The following EEIG2 variants were observed in gnomAD, a reference collection of about 807,000 sequenced individuals.
EEIG2 encodes the protein family with sequence similarity 102 member B.
At chr1:108,599,355 A>G in the EEIG2 span, among the ~76,000 whole-genome samples, 1 of 152,084 alleles carries the variant, frequency 6.6e-6, no homozygotes, top group Non-Finnish European at 1.5e-5. Context: ...TTACTCCCCT[A>G]AGAAAATCAA....
At chr1:108,630,610 C>G in the EEIG2 span, among the ~76,000 whole-genome samples, 1 of 152,092 alleles carries the variant, frequency 6.6e-6, no homozygotes, top group Non-Finnish European at 1.5e-5. Flanking sequence ...AACCAAATAC[C>G]ATTTTGCTAG....
At chr1:108,617,184 G>C in the EEIG2 span, among the ~76,000 whole-genome samples, 4 of 152,180 alleles carry the variant, frequency 2.6e-5, no homozygotes, top group African/African-American at 9.7e-5. Flanking sequence ...CAGATGATAA[G>C]GAGTCTTGTG....
the EEIG2 span, among the ~76,000 whole-genome samples, chr1:108,587,162 GT>G: frequency 1.3e-4 from 20 of 152,058 alleles, no homozygotes; most frequent in Non-Finnish European, 2.9e-4. Flanking sequence ...CAACTTCTGG[GT>G]TTTGTGAAGT....
chr1:108,566,925 T>C, the EEIG2 span, among the ~76,000 whole-genome samples: 5 of 152,180 alleles, frequency 3.3e-5, no homozygotes, highest in Non-Finnish European at 4.4e-5. Flanking sequence ...TTCAGATCTG[T>C]TGTACAGAAT....
the EEIG2 span, among the ~76,000 whole-genome samples, chr1:108,571,464 GGAGA>G: frequency 6.6e-6 from 1 of 152,114 alleles, no homozygotes; most frequent in Non-Finnish European, 1.5e-5. Flanking sequence ...GAATGAGTTG[GGAGA>G]GAGAGGAGCA....
At chr1:108,560,472 T>C in the EEIG2 span, 1 of 1,613,416 alleles carries the variant, frequency 6.2e-7, no homozygotes, top group East Asian at 2.2e-5. Context: ...GACTTCGAGC[T>C]CGAGGAGCTC....
At chr1:108,564,872 G>C in the EEIG2 span, among the ~76,000 whole-genome samples, 172 of 152,100 alleles carry the variant, frequency 1.1e-3, 2 homozygotes, top group East Asian at 0.031. Flanking sequence ...GCTTGAACCC[G>C]GGAGGCAGAG....
chr1:108,587,472 T>G, the EEIG2 span, among the ~76,000 whole-genome samples: 1 of 152,122 alleles, frequency 6.6e-6, no homozygotes, highest in Non-Finnish European at 1.5e-5. Context: ...GTGTTGTCCA[T>G]TCTGTGTTTT....
At chr1:108,569,507 G>T in the EEIG2 span, among the ~76,000 whole-genome samples, 1 of 152,164 alleles carries the variant, frequency 6.6e-6, no homozygotes, top group East Asian at 1.9e-4. Context: ...TTCTATTTTT[G>T]TAGAGATGTG....
At chr1:108,562,372 C>G in the EEIG2 span, among the ~76,000 whole-genome samples, 1 of 152,102 alleles carries the variant, frequency 6.6e-6, no homozygotes, top group Non-Finnish European at 1.5e-5. Flanking sequence ...AAACTCACCC[C>G]TTTTTCTTCC....
the EEIG2 span, among the ~76,000 whole-genome samples, chr1:108,572,641 A>C: frequency 1.3e-5 from 2 of 152,008 alleles, no homozygotes; most frequent in Non-Finnish European, 2.9e-5. Context: ...CTTGAGACGG[A>C]GTCTCGCCCT....
chr1:108,614,044 T>C, the EEIG2 span, among the ~76,000 whole-genome samples: 2 of 151,884 alleles, frequency 1.3e-5, no homozygotes, highest in African/African-American at 4.8e-5. Flanking sequence ...TCCAGTCCTC[T>C]TAGTCTCCTA....
At chr1:108,581,559 A>G in the EEIG2 span, among the ~76,000 whole-genome samples, 1 of 152,168 alleles carries the variant, frequency 6.6e-6, no homozygotes, top group Non-Finnish European at 1.5e-5. Flanking sequence ...AGTTTGGAAG[A>G]AGTTGATTTC....
the EEIG2 span, among the ~76,000 whole-genome samples, chr1:108,634,052 G>C: frequency 5.7e-4 from 87 of 152,252 alleles, no homozygotes; most frequent in Non-Finnish European, 1.0e-3. Context: ...CTGTTGTCTA[G>C]TATGTGCAAA....
the EEIG2 span, among the ~76,000 whole-genome samples, chr1:108,585,253 A>G: frequency 6.6e-6 from 1 of 152,174 alleles, no homozygotes; most frequent in Admixed American, 6.6e-5. Context: ...TTCAAGAGCT[A>G]TTTTTGCTAA....
At chr1:108,622,113 C>T in the EEIG2 span, among the ~76,000 whole-genome samples, 3 of 152,098 alleles carry the variant, frequency 2.0e-5, no homozygotes, top group East Asian at 1.9e-4. Flanking sequence ...GCCGAGAGTG[C>T]GCCATTGCAC....
the EEIG2 span, among the ~76,000 whole-genome samples, chr1:108,615,397 T>C: frequency 6.6e-6 from 1 of 152,170 alleles, no homozygotes; most frequent in Non-Finnish European, 1.5e-5. Flanking sequence ...ATTATTCCCA[T>C]AAGAACATAA....
chr1:108,602,340 AG>A, the EEIG2 span, among the ~76,000 whole-genome samples: 1 of 152,204 alleles, frequency 6.6e-6, no homozygotes, highest in Admixed American at 6.5e-5. Context: ...AGGTGTCAGC[AG>A]GGCCATGCTC....
chr1:108,594,013 G>A, the EEIG2 span, among the ~76,000 whole-genome samples: 1 of 152,000 alleles, frequency 6.6e-6, no homozygotes, highest in Non-Finnish European at 1.5e-5. Flanking sequence ...TCACCATGTT[G>A]CCCAGGCTGG....
Sources: allele counts gnomAD v4.1 joint callset (sites outside exome capture counted in the v4.1 genomes callset), GRCh38; gene constraint gnomAD v4.1.1; transcripts MANE v1.5; gene names NCBI Gene and HGNC (gene_info 2026-07-23, HGNC 2026-07-21).